Variants in MAPK14 observed in about 807,000 individuals in gnomAD.
MAPK14 encodes the protein CSAID-binding protein.
Under a neutral mutation model 49.6 loss-of-function variants are expected in MAPK14, and 16 were observed. That is an observed-to-expected ratio of 0.32 (90% CI 0.22 to 0.49). The LOEUF (loss-of-function observed/expected upper bound fraction) is 0.49. Ranked by LOEUF, MAPK14 falls within the 20% of genes least tolerant of loss-of-function variation. The pLI, the probability that MAPK14 is intolerant of heterozygous loss-of-function variation, is 0.99. For synonymous variants in MAPK14, 142 were observed against 158.0 expected (o/e 0.90, Z 0.76); for missense variants, 200 against 441.2 (o/e 0.45, Z 4.90).
chr6:36,065,003 T>C (rs542871117), intron 3 of MAPK14, among the ~76,000 whole-genome samples: 2 of 152,346 alleles, frequency 1.3e-5, no homozygotes, highest in African/African-American at 4.8e-5. Flanking sequence ...ATAAGACCTT[T>C]GCACCAGTTT....
At chr6:36,088,252 G>T (rs1336270728) in intron 8 of MAPK14, among the ~76,000 whole-genome samples, 1 of 152,080 alleles carries the variant, frequency 6.6e-6, no homozygotes, top group Non-Finnish European at 1.5e-5. Flanking sequence ...AAAAGCAATG[G>T]CAACAAAAGC....
At chr6:36,054,264 GA>G (rs1331297789) in intron 2 of MAPK14, among the ~76,000 whole-genome samples, 1 of 152,196 alleles carries the variant, frequency 6.6e-6, no homozygotes, top group Non-Finnish European at 1.5e-5. Flanking sequence ...TTTTGAAAGT[GA>G]AATGCAAGCC....
Position 36,108,570 on chromosome 6 carries a change from G to A in MAPK14, c.*123G>A. The A allele has an allele frequency of 3.9e-6, 2 of 513,920 alleles. No individual in the cohort carries two copies. The highest frequency in any genetic ancestry group is 7.4e-6 in the Non-Finnish European group (2 of 269,960). The allele number at this position is 513,920 out of a possible 1,614,324, so 31.8% of individuals were successfully genotyped here. A position where few individuals can be genotyped will look rare whatever the true frequency, so the allele number is the denominator to read the frequency against. ...GATTTCCTCCATGGTGGAAGGGGGT[G>A]TGCGTGCGTGTGCGTGCGTGTTAGT... On this transcript the variant is annotated 3_prime_UTR_variant, in exon 12 of 12. Coordinates refer to ENST00000229794, the MANE Select transcript of MAPK14 (RefSeq NM_139012.3).
chr6:36,029,884 A>G (rs1307024707), intron 1 of MAPK14, among the ~76,000 whole-genome samples: 1 of 117,334 alleles, frequency 8.5e-6, no homozygotes, highest in Non-Finnish European at 1.8e-5. Context: ...CATTCAGTAT[A>G]TACATATTAT....
At chr6:36,101,743 C>G (rs1765646162) in intron 9 of MAPK14, among the ~76,000 whole-genome samples, 1 of 152,172 alleles carries the variant, frequency 6.6e-6, no homozygotes, top group African/African-American at 2.4e-5. Context: ...AAGTCCTGGG[C>G]TCAAGCGATC....
At chr6:36,122,120 C>G in the MAPK14 span, among the ~76,000 whole-genome samples, 1 of 152,254 alleles carries the variant, frequency 6.6e-6, no homozygotes, top group Non-Finnish European at 1.5e-5. Flanking sequence ...TGGCAGGTAG[C>G]CCTGCTAGTC....
rs111234964 is a variant in MAPK14, at chr6:36,028,791, C to CTTTT, written c.116+536_116+539dup. Among the ~76,000 whole-genome samples, 22 of 100,378 alleles carry CTTTT rather than the reference C, an allele frequency of 2.2e-4. No homozygotes were observed. The highest frequency in any genetic ancestry group is 8.0e-4 in the African/African-American group (22 of 27,604). 65.9% of individuals were successfully genotyped at this position (100,378 alleles called of 152,430 possible). Reference sequence around the variant, plus strand: ...ACCAGGAAGGGAGCTCTCTCCGGGCCTTTTTTTTTTTTTTTTTTTTTCAAA... The same window carrying CTTTT: ...ACCAGGAAGGGAGCTCTCTCCGGGCCTTTTTTTTTTTTTTTTTTTTTTTTTCAAA... On this transcript the variant is annotated intron_variant, in intron 1 of 11. Coordinates refer to ENST00000229794, the MANE Select transcript of MAPK14 (RefSeq NM_139012.3). The surrounding 1 kb of genome is among the most constrained non-coding windows in gnomAD (Gnocchi z 5.1).
intron 1 of MAPK14, among the ~76,000 whole-genome samples, chr6:36,048,122 A>G (rs899520750): frequency 2.6e-5 from 4 of 151,514 alleles, no homozygotes; most frequent in South Asian, 2.1e-4. Flanking sequence ...GCTCAGTGCA[A>G]CCTCCACCTC....
At chr6:36,070,914 A>G (rs1446338453) in intron 3 of MAPK14, among the ~76,000 whole-genome samples, 1 of 152,218 alleles carries the variant, frequency 6.6e-6, no homozygotes, top group Non-Finnish European at 1.5e-5. Flanking sequence ...TCCAAAATTC[A>G]TAAAAAAATG....
Position 36,068,825 on chromosome 6 carries a change from A to G in MAPK14, c.306-4048A>G, listed in dbSNP as rs1433684010. 3.9e-5 allele frequency among the ~76,000 whole-genome samples: 6 copies of G among 152,316 alleles called. No homozygotes were observed. In the East Asian group the frequency reaches 9.6e-4, roughly 24 times the overall value. ...TGGGGTGCTGTCTAGAGTACTGAAA[A>G]GCATTTATGACAGAGTTCTTCCTTC... On this transcript the variant is annotated intron_variant, in intron 3 of 11. Coordinates refer to ENST00000229794, the MANE Select transcript of MAPK14 (RefSeq NM_139012.3).
At chr6:36,067,173 G>A (rs1328258606) in intron 3 of MAPK14, among the ~76,000 whole-genome samples, 1 of 152,002 alleles carries the variant, frequency 6.6e-6, no homozygotes. Context: ...GTTTTTGCCT[G>A]ACATGATCAA....
chr6:36,059,275 A>T lies in MAPK14; in HGVS notation c.247-14A>T, dbSNP rs748617106. The T allele has an allele frequency of 6.5e-7, 1 of 1,541,566 alleles. No homozygotes were observed. Among genetic ancestry groups the T allele is most frequent in the Non-Finnish European group, 9.0e-7 (1 of 1,116,824 alleles). On this transcript the variant is annotated splice_polypyrimidine_tract_variant and intron_variant, in intron 2 of 11. Transcript: ENST00000229794. ...AATATTTATTTACTTTTTAATTTTT[A>T]TATTTTCTTACAGGTGATTGGTCTG...
At chr6:36,123,149 C>T in the MAPK14 span, among the ~76,000 whole-genome samples, 1 of 151,982 alleles carries the variant, frequency 6.6e-6, no homozygotes, top group Non-Finnish European at 1.5e-5. Flanking sequence ...GAAAGGTGGA[C>T]AATTCCATAG....
chr6:36,102,029 C>G (rs930839014), intron 9 of MAPK14, among the ~76,000 whole-genome samples: 1 of 152,172 alleles, frequency 6.6e-6, no homozygotes, highest in Non-Finnish European at 1.5e-5. Context: ...TTTGTTATCT[C>G]TAATCTTCAC....
Position 36,106,371 on chromosome 6 carries a change from GAA to G in MAPK14, c.842-1083_842-1082del, listed in dbSNP as rs1274942033. On this transcript the variant is annotated intron_variant, in intron 10 of 11. Transcript: ENST00000229794. The stretch of plus-strand genomic sequence containing the variant: ...CAAAATCAGGAAAGAACAGGGCTTA[GAA>G]GTAAGAAGATTATTCTAGACTAAGA... Among the ~76,000 whole-genome samples, 6 of 13,714 alleles carry G rather than the reference GAA, an allele frequency of 4.4e-4. No individual in the cohort carries two copies. The South Asian group carries it at 0.061, about 139-fold the overall frequency. The allele number at this position is 13,714 out of a possible 152,430, so 9.0% of individuals were successfully genotyped here.
At chr6:36,053,029 T>C (rs1269852673) in intron 2 of MAPK14, among the ~76,000 whole-genome samples, 1 of 151,984 alleles carries the variant, frequency 6.6e-6, no homozygotes, top group Non-Finnish European at 1.5e-5. Context: ...GTTTTAGTTT[T>C]ACTCAAAGAT....
intron 3 of MAPK14, among the ~76,000 whole-genome samples, chr6:36,064,862 C>T (rs1763981718): frequency 6.6e-6 from 1 of 152,152 alleles, no homozygotes; most frequent in Non-Finnish European, 1.5e-5. Context: ...TGTGGTAAGA[C>T]CTGAAAGGTC....
At chr6:36,054,813 T>G (rs1424338432) in intron 2 of MAPK14, among the ~76,000 whole-genome samples, 1 of 152,190 alleles carries the variant, frequency 6.6e-6, no homozygotes, top group Admixed American at 6.5e-5. Context: ...TTTAAAAAAT[T>G]ACTGTTTTGG....
intron 8 of MAPK14, among the ~76,000 whole-genome samples, chr6:36,082,446 T>C (rs1764803559): frequency 6.6e-6 from 1 of 152,204 alleles, no homozygotes; most frequent in Admixed American, 6.5e-5. Context: ...TACCTGAAAC[T>C]AGGTAATTTA....
Sources: allele counts gnomAD v4.1 joint callset (sites outside exome capture counted in the v4.1 genomes callset), GRCh38; gene constraint gnomAD v4.1.1; non-coding constraint Gnocchi (gnomAD v3.1); transcripts MANE v1.5; gene names NCBI Gene and HGNC (gene_info 2026-07-23, HGNC 2026-07-21).